PPM1J: variants seen among roughly 807,000 people sequenced by gnomAD.
The protein encoded by PPM1J is protein phosphatase 1J.
A neutral mutation model predicts 53.3 loss-of-function variants in PPM1J; 43 were observed. The observed-to-expected ratio is 0.81, with a 90% CI of 0.63 to 1.04. The LOEUF (loss-of-function observed/expected upper bound fraction) is 1.04. Among genes scored for constraint, PPM1J ranks in the 50% least tolerant of loss-of-function variants. The pLI is 0.00. For missense variants in PPM1J, 635 were observed against 685.9 expected (o/e 0.93, Z 0.83); for synonymous variants, 267 against 286.4 (o/e 0.93, Z 0.68).
intron 1 of PPM1J, chr1:112,714,591 C>G: frequency 9.7e-7 from 1 of 1,032,790 alleles, no homozygotes; most frequent in Non-Finnish European, 1.2e-6. Flanking sequence ...CCGCTATGTC[C>G]CCTATTAAAA....
chr1:112,713,223 C>G (rs1292739759), intron 2 of PPM1J, among the ~76,000 whole-genome samples, 192 bp from the exon 3 acceptor site: 1 of 152,080 alleles, frequency 6.6e-6, no homozygotes, highest in Non-Finnish European at 1.5e-5. Flanking sequence ...AGGAAAGGCT[C>G]AAAAACCCAA....
intron 1 of PPM1J, 99 bp from the exon 2 acceptor site, chr1:112,713,710 G>A: frequency 1.0e-6 from 1 of 994,882 alleles, no homozygotes; most frequent in South Asian, 1.3e-5. Flanking sequence ...CGCTGGCCAA[G>A]CTGAGAAAGG....
intron 3 of PPM1J, 89 bp downstream of exon 3, chr1:112,712,655 T>C: frequency 1.4e-6 from 2 of 1,380,722 alleles, no homozygotes; most frequent in Non-Finnish European, 2.0e-6. Flanking sequence ...AAAGGTGTTG[T>C]GGGTTCTCAG....
At chr1:112,714,483 C>T (rs529953305) in intron 1 of PPM1J, 130 of 986,762 alleles carry the variant, frequency 1.3e-4, no homozygotes, top group Admixed American at 8.0e-4. Context: ...CCTGGTGTCG[C>T]GGGCTATTTC....
In PPM1J at chr1:112,710,452, G is replaced by A; in HGVS notation, c.1370+8C>T. ...CATCCCCTTACCACCATGCCATGCA[G>A]CCCCTACCTGCTGTGGTCATTAGGC... On this transcript the variant is annotated splice_region_variant and intron_variant, in intron 9 of 9. Coordinates refer to ENST00000309276, the MANE Select transcript of PPM1J (RefSeq NM_005167.7). 2.5e-6 allele frequency: 4 copies of A among 1,613,528 alleles called. No individual in the cohort carries two copies. The highest frequency in any genetic ancestry group is 3.4e-6 in the Non-Finnish European group (4 of 1,179,966).
chr1:112,712,621 G>GA, intron 3 of PPM1J, 123 bp downstream of exon 3: 1 of 1,210,066 alleles, frequency 8.3e-7, no homozygotes, highest in Non-Finnish European at 1.2e-6. Context: ...CCTCCCCTCT[G>GA]AACCAAGCTC....
rs1042828462 is a variant in PPM1J at position 112,715,201 on chromosome 1, G to A, written c.101C>T (p.Ala34Val). ...CGCTTCTGGAGCGGCGGCGGGCGGC[G>A]CCGAGGCGGCGTTGGGCAGGTCCGG... The part of the protein sequence containing the change: ...KSPDLPNAAS[A>V]PPAAAPEAPR... Residue 34 changes from alanine to valine, a missense_variant, in exon 1 of 10, where the codon GCG becomes GTG. Transcript: ENST00000309276. This position sits in a 1 kb window ranked among gnomAD's most constrained non-coding sequence, Gnocchi z 4.4. 7 of 1,454,408 alleles carry A rather than the reference G, an allele frequency of 4.8e-6. No homozygotes were observed. In the East Asian group the frequency reaches 1.1e-4, roughly 23 times the overall value. The allele number at this position is 1,454,408 out of a possible 1,614,324, so 90.1% of individuals were successfully genotyped here. A position where few individuals can be genotyped will look rare whatever the true frequency, so the allele number is the denominator to read the frequency against.
At chr1:112,711,815 C>G (rs990809984) in intron 5 of PPM1J, among the ~76,000 whole-genome samples, 156 bp downstream of exon 5, 1 of 152,144 alleles carries the variant, frequency 6.6e-6, no homozygotes, top group Non-Finnish European at 1.5e-5. Context: ...AACCTCCCAC[C>G]GGCTCAGCCC....
chr1:112,711,092 G>A (rs1469925468), intron 6 of PPM1J, 21 bp from the exon 7 acceptor site: 15 of 1,611,240 alleles, frequency 9.3e-6, no homozygotes, highest in East Asian at 4.5e-5. Context: ...GGGAGTAGAG[G>A]AGGCATCACC....
rs1675069618 is a variant in PPM1J, at chr1:112,711,834, A to G, written c.927+137T>C. ...TCCCACCGGCTCAGCCCCGCACTCCATAGTCCACACAGCGGCCTTCCCAGT... is the reference window on the plus strand; with the variant it reads ...TCCCACCGGCTCAGCCCCGCACTCCGTAGTCCACACAGCGGCCTTCCCAGT... On this transcript the variant is annotated intron_variant, in intron 5 of 9. Transcript: ENST00000309276. The G allele has an allele frequency of 6.3e-6, 4 of 634,720 alleles. No homozygotes were observed. In the East Asian group the frequency reaches 1.1e-4, roughly 18 times the overall value. 39.3% of individuals were successfully genotyped at this position (634,720 alleles called of 1,614,324 possible). A position where few individuals can be genotyped will look rare whatever the true frequency, so the allele number is the denominator to read the frequency against.
At chr1:112,711,170 C>A (rs1225358186) in intron 6 of PPM1J, 96 bp downstream of exon 6, 1 of 1,459,426 alleles carries the variant, frequency 6.9e-7, no homozygotes, top group Non-Finnish European at 9.6e-7. Flanking sequence ...AGGGCCACAT[C>A]CTCCCAACTC....
At position 112,712,352 on chromosome 1, in the gene PPM1J, C is replaced by G. The variant is rs368783995; in HGVS notation, c.835G>C (p.Asp279His). The G allele has an allele frequency of 6.2e-7, 1 of 1,611,122 alleles. No homozygotes were observed. The highest frequency in any genetic ancestry group is 1.1e-5 in the South Asian group (1 of 90,508). ...LGKVYVANAG[D>H]SRAIIVRNGE... is the part of the protein sequence containing the mutation. ...GAGCCCCCTCCCCCATACCTGCTAT[C>G]GCCTGCATTGGCCACGTACACCTTG... is the stretch of plus-strand genomic sequence containing the variant. Residue 279 changes from aspartate to histidine, a missense_variant, in exon 4 of 10, where the codon GAT becomes CAT. By Grantham distance (81) the Asp-to-His change is moderately conservative. Coordinates refer to ENST00000309276, the MANE Select transcript of PPM1J (RefSeq NM_005167.7).
intron 2 of PPM1J, 126 bp downstream of exon 2, chr1:112,713,371 T>G (rs1675119885): frequency 1.5e-6 from 1 of 688,396 alleles, no homozygotes; most frequent in Non-Finnish European, 2.6e-6. Flanking sequence ...AGGTAAAGGT[T>G]CTGTGCCAGA....
chr1:112,711,238 C>A, intron 6 of PPM1J, 28 bp downstream of exon 6: 1 of 1,559,374 alleles, frequency 6.4e-7, no homozygotes, highest in Non-Finnish European at 8.8e-7. Context: ...GCCATGGGAA[C>A]GGGCCCCAGC....
At chr1:112,711,937 A>C (rs775295306) in intron 5 of PPM1J, 34 bp downstream of exon 5, 2 of 1,510,906 alleles carry the variant, frequency 1.3e-6, no homozygotes, top group Non-Finnish European at 1.8e-6. Context: ...AGACCCGACA[A>C]AGAATGGGGG....
Position 112,714,150 on chromosome 1 carries a change from T to A in PPM1J, c.327-539A>T, listed in dbSNP as rs1191598055. ...TCGGGAAAGAGGAACTGAAATAGAG[T>A]AGAAGTGAAAGCCCACCTGGACTGG... On this transcript the variant is annotated intron_variant, in intron 1 of 9. Coordinates refer to ENST00000309276, the MANE Select transcript of PPM1J (RefSeq NM_005167.7). 5 of 996,850 alleles carry A rather than the reference T, an allele frequency of 5.0e-6. No individual in the cohort carries two copies. In the East Asian group the frequency reaches 4.2e-4, roughly 83 times the overall value. The allele number at this position is 996,850 out of a possible 1,614,324, so 61.8% of individuals were successfully genotyped here.
At chr1:112,712,324 T>G in intron 4 of PPM1J, 21 bp downstream of exon 4, 1 of 1,569,556 alleles carries the variant, frequency 6.4e-7, no homozygotes. Flanking sequence ...TGTCGCCACC[T>G]TGGAGCCCCC....
In PPM1J at chr1:112,711,441, G is replaced by T. The variant is rs111490576; in HGVS notation, c.928-57C>A. ...AGGGGGCATTATGCTCACAGCACAC[G>T]GTGGCACACAGATGACGTTGACTAC... On this transcript the variant is annotated intron_variant, in intron 5 of 9. Transcript: ENST00000309276. 3.9e-6 allele frequency: 4 copies of T among 1,023,022 alleles called. No homozygotes were observed. In the African/African-American group the frequency reaches 4.7e-5, roughly 12 times the overall value. The allele number at this position is 1,023,022 out of a possible 1,614,324, so 63.4% of individuals were successfully genotyped here.
rs1218151380 is a variant in PPM1J, at chr1:112,715,026, T to C, written c.276A>G (p.Gln92=). The change falls in exon 1 of 10, where the codon CAA becomes CAG. Residue 92 remains glutamine (Q), a synonymous_variant. Transcript: ENST00000309276. This position sits in a 1 kb window ranked among gnomAD's most constrained non-coding sequence, Gnocchi z 4.4. ...GGCGGCGGCCCGTGTCCGGGGGGCTTTGCACAGCCCGGCCCGCGTGGTCAT... is the reference window on the plus strand; with the variant it reads ...GGCGGCGGCCCGTGTCCGGGGGGCTCTGCACAGCCCGGCCCGCGTGGTCAT... ...RADDHAGRAV[Q]SPPDTGRRLP... 2 of 1,507,910 alleles carry C rather than the reference T, an allele frequency of 1.3e-6. No individual in the cohort carries two copies. Among genetic ancestry groups the C allele is most frequent in the East Asian group, 5.4e-5 (2 of 37,132 alleles). 93.4% of individuals were successfully genotyped at this position (1,507,910 alleles called of 1,614,324 possible).
Sources: gnomAD v4.1 joint callset for allele counts (sites outside exome capture counted in the v4.1 genomes callset) on GRCh38, gnomAD v4.1.1 for gene constraint, Gnocchi (gnomAD v3.1) non-coding constraint, MANE v1.5 for transcripts, NCBI Gene and HGNC (gene_info 2026-07-23, HGNC 2026-07-21) for gene names.